The following DNAH17 variants were observed in gnomAD, a reference collection of about 807,000 sequenced individuals.
DNAH17 encodes dynein axonemal heavy chain 17, also known as axonemal beta dynein heavy chain 17.
In DNAH17, 376 loss-of-function variants were observed where a neutral mutation model predicts 485.6. The ratio of observed to expected loss-of-function variants is 0.77; its 90% confidence interval spans 0.71 to 0.84. DNAH17 has a LOEUF of 0.84. DNAH17 is among the 40% of genes least tolerant of loss of function. The pLI is 0.00. For synonymous variants in DNAH17, 3,031 were observed against 2,405.9 expected (o/e 1.26, Z -7.60); for missense variants, 6,370 against 5,839.3 (o/e 1.09, Z -2.96).
chr17:78,495,121 G>A (rs946314252), intron 38 of DNAH17, 24 bp from the exon 39 acceptor site: 1 of 1,578,274 alleles, frequency 6.3e-7, no homozygotes, highest in Admixed American at 1.8e-5. Flanking sequence ...CGGTGCCTGT[G>A]GGCTTCTGCC....
intron 33 of DNAH17, 27 bp from the exon 34 acceptor site, chr17:78,501,900 A>T (rs1598599548): frequency 2.5e-6 from 4 of 1,613,152 alleles, no homozygotes; most frequent in Non-Finnish European, 3.4e-6. Flanking sequence ...CTTCGATGAG[A>T]CACCACGGGT....
intron 75 of DNAH17, 65 bp downstream of exon 75, chr17:78,433,964 G>GAGGGAGGGAAC (rs2086776945): frequency 7.6e-7 from 1 of 1,323,444 alleles, no homozygotes; most frequent in African/African-American, 1.7e-5. Context: ...AGGGAGGGAA[G>GAGGGAGGGAAC]GAGGGAGGGA....
intron 56 of DNAH17, among the ~76,000 whole-genome samples, chr17:78,463,979 G>A (rs1247072731): frequency 6.6e-6 from 1 of 152,210 alleles, no homozygotes; most frequent in Non-Finnish European, 1.5e-5. Flanking sequence ...GAACTGCAGA[G>A]TTCCTGGGAG....
chr17:78,483,963 G>C (rs6501221), intron 48 of DNAH17, among the ~76,000 whole-genome samples: 114,349 of 151,544 alleles, frequency 0.75, 43,295 homozygotes, highest in Admixed American at 0.83. Context: ...CGGCGTGGTG[G>C]TGGGCACCTG....
intron 26 of DNAH17, among the ~76,000 whole-genome samples, chr17:78,514,517 A>AAAAAAG (rs1568182754): frequency 3.5e-4 from 52 of 149,554 alleles, no homozygotes; most frequent in South Asian, 1.5e-3. Context: ...AAAAAAAAAA[A>AAAAAAG]AAAAAGAAAA....
intron 43 of DNAH17, 37 bp downstream of exon 43, chr17:78,491,406 G>A: frequency 1.2e-6 from 2 of 1,604,796 alleles, no homozygotes; most frequent in Non-Finnish European, 8.5e-7. Flanking sequence ...TCCCTGCCTT[G>A]GGTGGCCTTG....
At chr17:78,455,888 G>T in intron 62 of DNAH17, 52 bp from the exon 63 acceptor site, 1 of 1,444,936 alleles carries the variant, frequency 6.9e-7, no homozygotes, top group Non-Finnish European at 9.2e-7. Flanking sequence ...GAGGGGACTG[G>T]ACCAGACAAG....
intron 56 of DNAH17, 72 bp downstream of exon 56, chr17:78,466,583 G>C: frequency 7.0e-7 from 1 of 1,428,990 alleles, no homozygotes; most frequent in Non-Finnish European, 9.2e-7. Flanking sequence ...TTTTCTCCCA[G>C]GGAGCCAGCC....
chr17:78,571,431 G>A (rs911248558), intron 4 of DNAH17, 53 bp from the exon 5 acceptor site: 71 of 1,512,692 alleles, frequency 4.7e-5, no homozygotes, highest in Admixed American at 1.0e-4. Flanking sequence ...ACCCTAAGGC[G>A]AGGCCAACCT....
At chr17:78,439,588 G>A (rs1568052656) in intron 72 of DNAH17, among the ~76,000 whole-genome samples, 2 of 151,722 alleles carry the variant, frequency 1.3e-5, no homozygotes, top group South Asian at 2.1e-4. Context: ...ACAATATGGG[G>A]CCTTTGTGTC....
rs1293477756 is a variant in DNAH17 at position 78,444,659 on chromosome 17, G to A, written c.11473C>T (p.Gln3825Ter). The A allele has an allele frequency of 1.2e-6, 2 of 1,607,766 alleles. No individual in the cohort carries two copies. The highest frequency in any genetic ancestry group is 1.7e-6 in the Non-Finnish European group (2 of 1,177,680). The change falls in exon 71 of 81, where the codon CAG becomes TAG. Residue 3825 changes from glutamine to a stop codon, truncating the protein, a stop_gained. Coordinates refer to ENST00000389840, the MANE Select transcript of DNAH17 (RefSeq NM_173628.4). LOFTEE classifies it high-confidence loss of function. Reference sequence around the variant, plus strand: ...AGGCAGCGCACCATGCACAGCTTCTGCAGGGCCGTCTTGTTCTTCCACTCC... The same window carrying A: ...AGGCAGCGCACCATGCACAGCTTCTACAGGGCCGTCTTGTTCTTCCACTCC... ...PKEWKNKTAL[Q>*]KLCMVRCLRP...
At chr17:78,557,903 T>C (rs917641516) in intron 14 of DNAH17, among the ~76,000 whole-genome samples, 4 of 152,004 alleles carry the variant, frequency 2.6e-5, no homozygotes, top group Non-Finnish European at 5.9e-5. Flanking sequence ...AGGACAGAGA[T>C]CTCTGACTCC....
intron 62 of DNAH17, among the ~76,000 whole-genome samples, chr17:78,457,027 C>T (rs552210948): frequency 6.6e-6 from 1 of 152,332 alleles, no homozygotes; most frequent in South Asian, 2.1e-4. Flanking sequence ...CCTGGGGCTC[C>T]CAAACACTGG....
chr17:78,483,233 A>C (rs2089428997), intron 48 of DNAH17, among the ~76,000 whole-genome samples: 1 of 152,224 alleles, frequency 6.6e-6, no homozygotes, highest in Non-Finnish European at 1.5e-5. Context: ...CCGTCCCCAC[A>C]TCACAGCCTG....
At chr17:78,465,627 G>C (rs1398001426) in intron 56 of DNAH17, among the ~76,000 whole-genome samples, 1 of 151,120 alleles carries the variant, frequency 6.6e-6, no homozygotes, top group Non-Finnish European at 1.5e-5. Flanking sequence ...CCGAGACCCC[G>C]TCTGGGAGGT....
intron 26 of DNAH17, among the ~76,000 whole-genome samples, chr17:78,511,456 A>G (rs2090633785): frequency 1.3e-5 from 2 of 152,142 alleles, no homozygotes; most frequent in Non-Finnish European, 2.9e-5. Context: ...TTGTCATGGC[A>G]GCCCCAGGAA....
intron 22 of DNAH17, among the ~76,000 whole-genome samples, chr17:78,528,597 G>A (rs2091140693): frequency 6.6e-6 from 1 of 152,070 alleles, no homozygotes; most frequent in Admixed American, 6.5e-5. Flanking sequence ...CGGGAGGAGG[G>A]GTGGACGGGC....
In DNAH17 at chr17:78,453,389, G is replaced by C. The variant is rs2087639279; in HGVS notation, c.10483C>G (p.Pro3495Ala). The stretch of plus-strand genomic sequence containing the variant: ...CTGCCCAGTAGAGGGTCCAGCACGG[G>C]GTCCACGGTTTCGCCGATGTTCTCA... ...LIENIGETVD[P>A]VLDPLLGRNT... Residue 3495 changes from proline to alanine, a missense_variant, in exon 65 of 81, where the codon CCC (proline) becomes GCC (alanine). Transcript: ENST00000389840. The C allele has an allele frequency of 1.2e-6, 2 of 1,613,786 alleles. No homozygotes were observed. Among genetic ancestry groups the C allele is most frequent in the East Asian group, 2.2e-5 (1 of 44,876 alleles).
chr17:78,484,360 G>A (rs1037531891), intron 48 of DNAH17, among the ~76,000 whole-genome samples: 3 of 151,968 alleles, frequency 2.0e-5, no homozygotes, highest in South Asian at 2.1e-4. Context: ...CACCCAGAAT[G>A]CTCTCCCTCT....
Sources: gnomAD v4.1 joint callset for allele counts (sites outside exome capture counted in the v4.1 genomes callset) on GRCh38, gnomAD v4.1.1 for gene constraint, MANE v1.5 for transcripts, NCBI Gene and HGNC (gene_info 2026-07-23, HGNC 2026-07-21) for gene names.